RSPO3: variants seen among roughly 807,000 people sequenced by gnomAD.
The protein encoded by RSPO3 is R-spondin 3.
Under a neutral mutation model 36.5 loss-of-function variants are expected in RSPO3, and 17 were observed. The observed-to-expected ratio is 0.47, with a 90% CI of 0.32 to 0.70. RSPO3 has a LOEUF of 0.70. Ranked by LOEUF, RSPO3 falls within the 30% of genes least tolerant of loss-of-function variation. RSPO3 has a pLI of 0.04. For synonymous variants in RSPO3, 108 were observed against 107.0 expected, an observed-to-expected ratio of 1.01 and a Z score of -0.06; for missense variants, 294 against 322.5, an observed-to-expected ratio of 0.91 and a Z score of 0.68.
chr6:127,139,427 C>T (rs1774224508), intron 1 of RSPO3, among the ~76,000 whole-genome samples: 1 of 152,088 alleles, frequency 6.6e-6, no homozygotes, highest in Admixed American at 6.5e-5. Flanking sequence ...AAGTTTGTTT[C>T]ATTCAAGAAT....
chr6:127,176,802 A>C (rs772515157), intron 4 of RSPO3, among the ~76,000 whole-genome samples: 35 of 151,778 alleles, frequency 2.3e-4, no homozygotes, highest in Non-Finnish European at 4.6e-4. Context: ...GGTACCTGAT[A>C]CCTGTTGCAA....
Position 127,198,952 on chromosome 6 carries a change from G to A in RSPO3, c.*2945G>A, listed in dbSNP as rs1367566527. Among the ~76,000 whole-genome samples the A allele has an allele frequency of 6.6e-6, 1 of 152,138 alleles. No individual in the cohort carries two copies. Among genetic ancestry groups the A allele is most frequent in the Non-Finnish European group, 1.5e-5 (1 of 68,026 alleles). ...ACAGATTTAACTCTGCTTCTCTAAT[G>A]TTATTGAATTAAAAGCTGTTCACAT... On this transcript the variant is annotated 3_prime_UTR_variant, in exon 5 of 5. Coordinates refer to ENST00000356698, the MANE Select transcript of RSPO3 (RefSeq NM_032784.5).
chr6:127,143,535 A>T (rs1444504347), intron 1 of RSPO3, among the ~76,000 whole-genome samples: 2 of 152,220 alleles, frequency 1.3e-5, no homozygotes, highest in African/African-American at 4.8e-5. Flanking sequence ...TGAATTTATT[A>T]ATTTTTAATT....
chr6:127,119,464 G>C (rs1344771081), intron 1 of RSPO3, among the ~76,000 whole-genome samples, 175 bp downstream of exon 1: 1 of 152,166 alleles, frequency 6.6e-6, no homozygotes, highest in Admixed American at 6.5e-5. Flanking sequence ...CTTGCCTCTC[G>C]GCGCCCCTGC....
At chr6:127,183,814 C>T (rs1167011479) in intron 4 of RSPO3, among the ~76,000 whole-genome samples, 1 of 151,788 alleles carries the variant, frequency 6.6e-6, no homozygotes, top group Non-Finnish European at 1.5e-5. Context: ...TACTATCCAC[C>T]CCACCTGTAT....
chr6:127,147,525 A>G (rs1203034395), intron 1 of RSPO3, among the ~76,000 whole-genome samples: 1 of 152,166 alleles, frequency 6.6e-6, no homozygotes, highest in Non-Finnish European at 1.5e-5. Context: ...TGAGTGGAGA[A>G]CACATTAGGA....
chr6:127,197,527 G>GC lies in RSPO3; in HGVS notation c.*1521dup, dbSNP rs932808425. On this transcript the variant is annotated 3_prime_UTR_variant, in exon 5 of 5. Transcript: ENST00000356698. ...ATCTCTGAGTGTGCAGCACAGAATC[G>GC]CATGACCCACCTTAACCTTCCTGTT... is the stretch of plus-strand genomic sequence containing the variant. The GC allele has an allele frequency of 1.3e-6, 2 of 1,549,988 alleles. No homozygotes were observed. Among genetic ancestry groups the GC allele is most frequent in the African/African-American group, 2.7e-5 (2 of 73,028 alleles).
In RSPO3 at chr6:127,197,553, G is replaced by A. The variant is rs1419190547; in HGVS notation, c.*1546G>A. 1.3e-6 allele frequency: 2 copies of A among 1,548,656 alleles called. No individual in the cohort carries two copies. Among genetic ancestry groups the A allele is most frequent in the Admixed American group, 2.0e-5 (1 of 50,930 alleles). On this transcript the variant is annotated 3_prime_UTR_variant, in exon 5 of 5. Coordinates refer to ENST00000356698, the MANE Select transcript of RSPO3 (RefSeq NM_032784.5). ...CATGACCCACCTTAACCTTCCTGTT[G>A]TCATGGAAGGATGCACGGCTGCTCT...
Position 127,197,784 on chromosome 6 carries a change from G to A in RSPO3, c.*1777G>A. ...ATGATTTATTCCTGTTTCTTATTCT[G>A]GTGTTTCTTTCCTTGTCCCTATGAG... On this transcript the variant is annotated 3_prime_UTR_variant, in exon 5 of 5. Transcript: ENST00000356698. 2.8e-6 allele frequency: 1 copy of A among 351,064 alleles called. No individual in the cohort carries two copies. Among genetic ancestry groups the A allele is most frequent in the Non-Finnish European group, 5.1e-6 (1 of 194,908 alleles). The allele number at this position is 351,064 out of a possible 1,614,324, so 21.7% of individuals were successfully genotyped here.
chr6:127,187,994 C>G (rs7744964), intron 4 of RSPO3, among the ~76,000 whole-genome samples: 63,196 of 151,924 alleles, frequency 0.42, 13,520 homozygotes, highest in East Asian at 0.53. Context: ...AGGAAGGCAT[C>G]CTAGTATGCA....
At chr6:127,150,367 C>T (rs1412620687) in intron 2 of RSPO3, 59 bp from the exon 3 acceptor site, 5 of 1,518,166 alleles carry the variant, frequency 3.3e-6, no homozygotes, top group Non-Finnish European at 4.5e-6. Flanking sequence ...ACATGTAGAA[C>T]TGGACCAATA....
intron 4 of RSPO3, among the ~76,000 whole-genome samples, chr6:127,164,525 C>T (rs1774775416): frequency 6.6e-6 from 1 of 151,928 alleles, no homozygotes; most frequent in African/African-American, 2.4e-5. Flanking sequence ...AGTTTCTCTG[C>T]ATTTGCTAGA....
chr6:127,144,542 T>C (rs1391567885), intron 1 of RSPO3, among the ~76,000 whole-genome samples: 1 of 152,024 alleles, frequency 6.6e-6, no homozygotes, highest in African/African-American at 2.4e-5. Flanking sequence ...AAATTCAAAG[T>C]ATTGTTTAAA....
chr6:127,171,118 C>A (rs1774925304), intron 4 of RSPO3, among the ~76,000 whole-genome samples: 1 of 151,730 alleles, frequency 6.6e-6, no homozygotes, highest in South Asian at 2.1e-4. Context: ...AGCTCTATAC[C>A]AAAGTACTGT....
intron 1 of RSPO3, among the ~76,000 whole-genome samples, chr6:127,133,354 T>C (rs1449946588): frequency 1.3e-5 from 2 of 152,092 alleles, no homozygotes; most frequent in African/African-American, 2.4e-5. Flanking sequence ...AATTACCTTC[T>C]TAGAATCTAG....
intron 1 of RSPO3, among the ~76,000 whole-genome samples, chr6:127,123,737 T>C (rs1773889011): frequency 6.6e-6 from 1 of 152,096 alleles, no homozygotes; most frequent in African/African-American, 2.4e-5. Context: ...AATATTCCTT[T>C]AAACATGAAA....
At chr6:127,166,036 T>A (rs1287167926) in intron 4 of RSPO3, among the ~76,000 whole-genome samples, 5 of 152,030 alleles carry the variant, frequency 3.3e-5, no homozygotes, top group Admixed American at 1.3e-4. Flanking sequence ...CTTCTGCTTA[T>A]AGAAATAGAC....
rs35711172 is a variant in RSPO3 at position 127,155,876 on chromosome 6, G to GTATATATATATA, written c.634+443_634+454dup. ...TAGTGGTAAGCTTTTGTAGCTAAGT[G>GTATATATATATA]TATATATATATATATACACACACAC... On this transcript the variant is annotated intron_variant, in intron 4 of 4. Transcript: ENST00000356698. Among the ~76,000 whole-genome samples the GTATATATATATA allele has an allele frequency of 2.3e-3, 342 of 148,588 alleles. 2 individuals are homozygous for GTATATATATATA. The highest frequency in any genetic ancestry group is 7.1e-3 in the African/African-American group (286 of 40,240).
At chr6:127,164,917 G>A (rs1774787184) in intron 4 of RSPO3, among the ~76,000 whole-genome samples, 1 of 152,024 alleles carries the variant, frequency 6.6e-6, no homozygotes, top group Non-Finnish European at 1.5e-5. Flanking sequence ...TTTTTGCAAA[G>A]AAACAGATGT....
Sources: gnomAD v4.1 joint callset for allele counts (sites outside exome capture counted in the v4.1 genomes callset) on GRCh38, gnomAD v4.1.1 for gene constraint, MANE v1.5 for transcripts, NCBI Gene and HGNC (gene_info 2026-07-23, HGNC 2026-07-21) for gene names.